The following KCNQ3 variants were observed in gnomAD, a reference collection of about 807,000 sequenced individuals.
The protein encoded by KCNQ3 is potassium voltage-gated channel subfamily Q member 3.
KCNQ3 carries 30 observed loss-of-function variants against 92.5 expected under a neutral mutation model. The ratio of observed to expected loss-of-function variants is 0.32; its 90% CI spans 0.24 to 0.44. The LOEUF (loss-of-function observed/expected upper bound fraction) is 0.44, where lower values mean the gene tolerates loss of function less well. KCNQ3 is among the 20% of genes least tolerant of loss of function. KCNQ3 has a pLI of 1.00. For synonymous variants in KCNQ3, 450 were observed against 468.8 expected (o/e 0.96, Z 0.52); for missense variants, 913 against 1,140.3 (o/e 0.80, Z 2.87).
chr8:132,205,965 G>T (rs1319675769), intron 1 of KCNQ3, among the ~76,000 whole-genome samples: 2 of 152,100 alleles, frequency 1.3e-5, no homozygotes, highest in African/African-American at 2.4e-5. Context: ...AGAAGACTTT[G>T]GTATGTGAAG....
chr8:132,223,249 A>T (rs1176715813), intron 1 of KCNQ3, among the ~76,000 whole-genome samples: 4 of 152,206 alleles, frequency 2.6e-5, no homozygotes, highest in Non-Finnish European at 5.9e-5. Context: ...AGGACCTAAT[A>T]AGAATCTAAT....
At chr8:132,303,614 A>ATGTTGTGTG (rs1817305789) in intron 1 of KCNQ3, among the ~76,000 whole-genome samples, 1 of 11,178 alleles carries the variant, frequency 8.9e-5, no homozygotes, top group Non-Finnish European at 1.4e-4. Context: ...GTGTATATAT[A>ATGTTGTGTG]TATATATATA....
intron 1 of KCNQ3, among the ~76,000 whole-genome samples, chr8:132,447,997 T>C (rs982611447): frequency 2.0e-5 from 3 of 152,144 alleles, no homozygotes; most frequent in Admixed American, 6.5e-5. Context: ...CTGCACTTAC[T>C]TTGTGGGGGC....
chr8:132,182,882 G>GCACACACACACA (rs3993055), intron 3 of KCNQ3, among the ~76,000 whole-genome samples: 5 of 146,094 alleles, frequency 3.4e-5, no homozygotes, highest in African/African-American at 1.0e-4. Flanking sequence ...CTCCAATATC[G>GCACACACACACA]CACACACACA....
chr8:132,458,385 C>T (rs1192827282), intron 1 of KCNQ3, among the ~76,000 whole-genome samples: 1 of 152,256 alleles, frequency 6.6e-6, no homozygotes, highest in East Asian at 1.9e-4. Flanking sequence ...AGGACTTCTA[C>T]ATGTGTCATG....
chr8:132,398,527 A>G (rs1820253167), intron 1 of KCNQ3, among the ~76,000 whole-genome samples: 1 of 152,154 alleles, frequency 6.6e-6, no homozygotes, highest in Admixed American at 6.5e-5. Context: ...TCAAAATCTC[A>G]TTTGGGGTGC....
rs368837031 is a variant in KCNQ3 at position 132,129,243 on chromosome 8, G to T, written c.*19C>A. 11 of 1,606,048 alleles carry T rather than the reference G, an allele frequency of 6.8e-6. No homozygotes were observed. The highest frequency in any genetic ancestry group is 1.3e-5 in the African/African-American group (1 of 74,934). Reference sequence around the variant, plus strand: ...AAAGTCTGTCTACATTACAAGGAGGGGTCAGCCAGTGACCTCTTTTAAATG... The same window carrying T: ...AAAGTCTGTCTACATTACAAGGAGGTGTCAGCCAGTGACCTCTTTTAAATG... On this transcript the variant is annotated 3_prime_UTR_variant, in exon 15 of 15. Transcript: ENST00000388996. The surrounding 1 kb of genome is among the most constrained non-coding windows in gnomAD (Gnocchi z 5.9).
At chr8:132,365,183 T>TA (rs1255206968) in intron 1 of KCNQ3, among the ~76,000 whole-genome samples, 2 of 152,192 alleles carry the variant, frequency 1.3e-5, no homozygotes, top group Non-Finnish European at 2.9e-5. Context: ...AGTGAGAGCA[T>TA]AAAAAATCAC....
intron 1 of KCNQ3, among the ~76,000 whole-genome samples, chr8:132,211,836 C>T (rs1484660707): frequency 6.6e-6 from 1 of 151,634 alleles, no homozygotes; most frequent in African/African-American, 2.4e-5. Context: ...ACCTGTAATC[C>T]CAGCAACTTG....
intron 1 of KCNQ3, among the ~76,000 whole-genome samples, chr8:132,284,015 G>C (rs886213397): frequency 6.6e-6 from 1 of 152,214 alleles, no homozygotes; most frequent in African/African-American, 2.4e-5. Context: ...GCTAGAGCCA[G>C]ATGAGGAACC....
intron 1 of KCNQ3, among the ~76,000 whole-genome samples, chr8:132,372,399 T>C (rs1215252603): frequency 6.6e-6 from 1 of 152,086 alleles, no homozygotes; most frequent in Non-Finnish European, 1.5e-5. Context: ...TTCTCATCTG[T>C]AAAATGGACA....
chr8:132,423,554 C>A (rs1428668431), intron 1 of KCNQ3, among the ~76,000 whole-genome samples: 1 of 152,234 alleles, frequency 6.6e-6, no homozygotes, highest in Non-Finnish European at 1.5e-5. Flanking sequence ...GGGGCCAAGT[C>A]TTCGTCTGTA....
intron 1 of KCNQ3, among the ~76,000 whole-genome samples, chr8:132,374,446 C>G (rs1819557345): frequency 6.6e-6 from 1 of 152,186 alleles, no homozygotes; most frequent in Non-Finnish European, 1.5e-5. Flanking sequence ...ATCCTACCTC[C>G]TACTGCAGGG....
rs781738692 is a variant in KCNQ3, at chr8:132,122,911, T to G, written c.*6351A>C. The G allele has an allele frequency of 2.6e-5, 4 of 152,212 alleles. No homozygotes were observed. Among genetic ancestry groups the G allele is most frequent in the East Asian group, 3.9e-4 (2 of 5,194 alleles). 9.4% of individuals were successfully genotyped at this position (152,212 alleles called of 1,614,324 possible). ...TTACATAACCATAAGATGTCCTAAG[T>G]TGAGTCCTGTCTGCTTCTTTGTAGC... On this transcript the variant is annotated 3_prime_UTR_variant, in exon 15 of 15. Transcript: ENST00000388996.
In KCNQ3 at chr8:132,453,318, G is replaced by C. The variant is rs112037451; in HGVS notation, c.386+26829C>G. On this transcript the variant is annotated intron_variant, in intron 1 of 14. Coordinates refer to ENST00000388996, the MANE Select transcript of KCNQ3 (RefSeq NM_004519.4). ...TTTGAACCATGGAAGGCATCATCTA[G>C]CTCACTCTGGAAAAAGACAACTCTG... Among the ~76,000 whole-genome samples the C allele has an allele frequency of 6.3e-3, 958 of 152,294 alleles. 7 individuals are homozygous for C. The highest frequency in any genetic ancestry group is 0.021 in the African/African-American group (887 of 41,558).
chr8:132,209,239 T>C (rs1366365406), intron 1 of KCNQ3, among the ~76,000 whole-genome samples: 1 of 152,118 alleles, frequency 6.6e-6, no homozygotes, highest in African/African-American at 2.4e-5. Flanking sequence ...CCTCCATCAG[T>C]AAGTCTCCAC....
At chr8:132,347,146 C>T (rs555383017) in intron 1 of KCNQ3, among the ~76,000 whole-genome samples, 2 of 152,164 alleles carry the variant, frequency 1.3e-5, no homozygotes, top group Non-Finnish European at 2.9e-5. Context: ...CCTTCTGCCC[C>T]TGGAGTCTGT....
intron 1 of KCNQ3, among the ~76,000 whole-genome samples, chr8:132,277,783 G>A (rs1816384679): frequency 6.6e-6 from 1 of 152,138 alleles, no homozygotes; most frequent in Non-Finnish European, 1.5e-5. Flanking sequence ...TCACCAGGCT[G>A]AGTTCAATAC....
intron 9 of KCNQ3, among the ~76,000 whole-genome samples, chr8:132,141,712 A>C (rs140854253): frequency 5.2e-4 from 79 of 152,332 alleles, no homozygotes; most frequent in Admixed American, 1.2e-3. Context: ...TGGTACCCAG[A>C]TAGTGATTTA....
Sources: gnomAD v4.1 joint callset for allele counts (sites outside exome capture counted in the v4.1 genomes callset) on GRCh38, gnomAD v4.1.1 for gene constraint, Gnocchi (gnomAD v3.1) non-coding constraint, MANE v1.5 for transcripts, NCBI Gene and HGNC (gene_info 2026-07-23, HGNC 2026-07-21) for gene names.